Variants in LTF observed in about 807,000 individuals in gnomAD.
The protein encoded by LTF is lactotransferrin, also known as epididymis luminal protein 110.
Under a neutral mutation model 87.2 loss-of-function variants are expected in LTF, and 91 were observed. The observed-to-expected ratio is 1.04, with a 90% confidence interval of 0.88 to 1.24. The LOEUF (loss-of-function observed/expected upper bound fraction) is 1.24. LTF is among the 50% of genes most tolerant of loss of function. The pLI is 0.00. For synonymous variants in LTF, 378 were observed against 356.1 expected, an observed-to-expected ratio of 1.06 and a Z score of -0.69; for missense variants, 901 against 904.3, an observed-to-expected ratio of 1.00 and a Z score of 0.05.
At chr3:46,471,494 G>A (rs1703285930) in intron 1 of LTF, among the ~76,000 whole-genome samples, 2 of 152,214 alleles carry the variant, frequency 1.3e-5, no homozygotes, top group Non-Finnish European at 1.5e-5. Context: ...GGAGGGAAAG[G>A]ACTGTGGTTG....
In LTF at chr3:46,445,794, A is replaced by C. The variant is rs555628247; in HGVS notation, c.1358-358T>G. Among the ~76,000 whole-genome samples, 20 of 152,354 alleles carry C rather than the reference A, an allele frequency of 1.3e-4. No individual in the cohort carries two copies. The South Asian group carries it at 2.7e-3, about 20-fold the overall frequency. ...ACAAGAGAGACCCCAACAGTGCATA[A>C]ATCACCAACCACAGTGTGCATCAGG... On this transcript the variant is annotated intron_variant, in intron 11 of 16. Coordinates refer to ENST00000231751, the MANE Select transcript of LTF (RefSeq NM_002343.6).
In LTF at chr3:46,436,078, G is replaced by A; in HGVS notation, c.*117C>T. On this transcript the variant is annotated 3_prime_UTR_variant, in exon 17 of 17. Transcript: ENST00000231751. ...GACAGCAGGGAATTGTAAGCAGATG[G>A]ATGGGCAATCCCCACCTTCAGCAGG... 5 of 937,318 alleles carry A rather than the reference G, an allele frequency of 5.3e-6. No individual in the cohort carries two copies. Among genetic ancestry groups the A allele is most frequent in the Non-Finnish European group, 8.6e-6 (5 of 580,408 alleles). 58.1% of individuals were successfully genotyped at this position (937,318 alleles called of 1,614,324 possible). A position where few individuals can be genotyped will look rare whatever the true frequency, so the allele number is the denominator to read the frequency against.
chr3:46,452,379 G>A (rs903325663), intron 6 of LTF, among the ~76,000 whole-genome samples: 18 of 152,288 alleles, frequency 1.2e-4, no homozygotes, highest in Middle Eastern at 3.4e-3. Context: ...TCAAATGGGG[G>A]AGATTTAGCA....
At position 46,445,438 on chromosome 3, in the gene LTF, T is replaced by C. The variant is rs868264494; in HGVS notation, c.1358-2A>G. On this transcript the variant is annotated splice_acceptor_variant, in intron 11 of 16. Coordinates refer to ENST00000231751, the MANE Select transcript of LTF (RefSeq NM_002343.6). LOFTEE classifies it high-confidence loss of function. ...TAACCACCGCCACAGCAAGATATCCTGGCATAACAGATGACAGAAAAACAA... is the reference window on the plus strand; with the variant it reads ...TAACCACCGCCACAGCAAGATATCCCGGCATAACAGATGACAGAAAAACAA... The C allele has an allele frequency of 2.5e-6, 4 of 1,609,052 alleles. No homozygotes were observed. The African/African-American group carries it at 4.0e-5, about 16-fold the overall frequency.
chr3:46,458,002 T>G (rs1702981979), intron 2 of LTF, among the ~76,000 whole-genome samples: 1 of 151,746 alleles, frequency 6.6e-6, no homozygotes, highest in South Asian at 2.1e-4. Flanking sequence ...GCCAGGATGG[T>G]CTTGATCTCC....
At chr3:46,450,369 T>C (rs1702773246) in intron 7 of LTF, 126 bp downstream of exon 7, 1 of 993,466 alleles carries the variant, frequency 1.0e-6, no homozygotes, top group South Asian at 1.4e-5. Flanking sequence ...AGCAGCCCAA[T>C]GCATTAGTGT....
At position 46,446,486 on chromosome 3, in the gene LTF, T is replaced by C. The variant is rs753708486; in HGVS notation, c.1311A>G (p.Gln437=). ...AGTTAGGATCAGGGTCACTGCTTTG[T>C]TGGGATTCTGAAAGAATAAAGACAA... ...VPVLAENYKS[Q]QSSDPDPNCV... Residue 437 remains glutamine, a synonymous_variant, in exon 11 of 17, where the codon CAA becomes CAG. Transcript: ENST00000231751. 5.6e-6 allele frequency: 9 copies of C among 1,613,764 alleles called. No homozygotes were observed. The highest frequency in any genetic ancestry group is 4.4e-5 in the South Asian group (4 of 90,998).
rs1485032067 is a variant in LTF at position 46,449,813 on chromosome 3, C to T, written c.1057+41G>A. On this transcript the variant is annotated intron_variant, in intron 8 of 16. Transcript: ENST00000231751. Reference sequence around the variant, plus strand: ...GGGCCACCTGCTGGGAAGTAGAAGACCACACCAGGCGGACCTCAGGACCCT... The same window carrying T: ...GGGCCACCTGCTGGGAAGTAGAAGATCACACCAGGCGGACCTCAGGACCCT... The T allele has an allele frequency of 3.1e-6, 5 of 1,609,410 alleles. No homozygotes were observed. The South Asian group carries it at 4.4e-5, about 14-fold the overall frequency.
intron 1 of LTF, among the ~76,000 whole-genome samples, chr3:46,482,783 GAA>G (rs1559615080): frequency 2.5e-5 from 3 of 120,322 alleles, no homozygotes; most frequent in East Asian, 3.6e-4. Flanking sequence ...GAAAGAAAAA[GAA>G]AGAAAGAAAG....
chr3:46,475,124 T>C (rs954644343), intron 1 of LTF, among the ~76,000 whole-genome samples: 11 of 151,878 alleles, frequency 7.2e-5, no homozygotes, highest in Admixed American at 6.6e-4. Flanking sequence ...CTAAAGACAA[T>C]GGAAGGATAA....
Position 46,437,977 on chromosome 3 carries a change from G to A in LTF, c.2061C>T (p.Val687=), listed in dbSNP as rs372223957. 1.0e-4 allele frequency: 165 copies of A among 1,613,944 alleles called. No individual in the cohort carries two copies. The African/African-American group carries it at 1.2e-3, about 12-fold the overall frequency. The part of the protein sequence containing the change: ...TYEKYLGPQY[V]AGITNLKKCS... ...ACTTTTTCAGATTAGTAATGCCTGC[G>A]ACATACTGTGGTCCCAAATATTTTT... Residue 687 remains valine (V), a synonymous_variant, in exon 16 of 17, where the codon GTC becomes GTT. Coordinates refer to ENST00000231751, the MANE Select transcript of LTF (RefSeq NM_002343.6).
intron 16 of LTF, among the ~76,000 whole-genome samples, chr3:46,437,287 T>A (rs1197546134): frequency 6.6e-6 from 1 of 151,940 alleles, no homozygotes; most frequent in East Asian, 1.9e-4. Context: ...GTTTTCTCTA[T>A]AGTTGGCATC....
chr3:46,454,883 G>A (rs531837835), intron 5 of LTF, among the ~76,000 whole-genome samples: 2 of 152,336 alleles, frequency 1.3e-5, no homozygotes, highest in African/African-American at 4.8e-5. Flanking sequence ...AAGGACATCA[G>A]CCTGGACACT....
At chr3:46,482,694 A>T (rs1703461312) in intron 1 of LTF, among the ~76,000 whole-genome samples, 1 of 126,740 alleles carries the variant, frequency 7.9e-6, no homozygotes, top group Non-Finnish European at 1.6e-5. Flanking sequence ...GAAGGAAGGA[A>T]GGAAGGAAGG....
chr3:46,480,985 C>A (rs528354854), intron 1 of LTF, among the ~76,000 whole-genome samples: 6 of 152,302 alleles, frequency 3.9e-5, no homozygotes, highest in Admixed American at 2.6e-4. Context: ...GTGCCCCAGC[C>A]TCCACCCTCC....
At chr3:46,454,924 C>G (rs975936005) in intron 5 of LTF, among the ~76,000 whole-genome samples, 4 of 152,248 alleles carry the variant, frequency 2.6e-5, no homozygotes, top group Non-Finnish European at 5.9e-5. Context: ...GGAGCCAGGA[C>G]TGGACATCTC....
chr3:46,471,931 G>A (rs535300446), intron 1 of LTF, among the ~76,000 whole-genome samples: 67 of 152,250 alleles, frequency 4.4e-4, no homozygotes, highest in Non-Finnish European at 8.1e-4. Flanking sequence ...ATTTTAACAC[G>A]CACCACTTTA....
At chr3:46,438,708 G>A (rs1284187138) in intron 15 of LTF, among the ~76,000 whole-genome samples, 1 of 152,202 alleles carries the variant, frequency 6.6e-6, no homozygotes, top group Non-Finnish European at 1.5e-5. Flanking sequence ...GGCCAGTTAT[G>A]GTGGCCAGTC....
At chr3:46,482,517 AGGG>A (rs1703446528) in intron 1 of LTF, among the ~76,000 whole-genome samples, 5 of 61,202 alleles carry the variant, frequency 8.2e-5, no homozygotes, top group African/African-American at 1.8e-4. Context: ...AGGGAAGGGA[AGGG>A]AAGGGAAGGG....
Sources: gnomAD v4.1 joint callset for allele counts (sites outside exome capture counted in the v4.1 genomes callset) on GRCh38, gnomAD v4.1.1 for gene constraint, MANE v1.5 for transcripts, NCBI Gene and HGNC (gene_info 2026-07-23, HGNC 2026-07-21) for gene names.